Variants in PLXNB1 observed in about 807,000 individuals in gnomAD.
PLXNB1 encodes plexin-B1.
A neutral mutation model predicts 209.4 loss-of-function variants in PLXNB1; 106 were observed. The observed-to-expected ratio is 0.51, with a 90% CI of 0.43 to 0.59. The LOEUF is 0.59. Ranked by LOEUF, PLXNB1 falls within the 20% of genes least tolerant of loss-of-function variation. The probability of loss-of-function intolerance (pLI) is 0.00; values close to 1 mark genes in which losing one functional copy is unlikely to be tolerated. For missense variants in PLXNB1, 2,357 were observed against 2,853.2 expected (o/e 0.83, Z 3.96); for synonymous variants, 1,167 against 1,183.2 (o/e 0.99, Z 0.28).
At chr3:48,408,059 T>A (rs1009497794) in intron 34 of PLXNB1, among the ~76,000 whole-genome samples, 3 of 152,226 alleles carry the variant, frequency 2.0e-5, no homozygotes, top group African/African-American at 7.2e-5. Flanking sequence ...CAGGCTGAAG[T>A]GCAGTGAACA....
In PLXNB1 at chr3:48,413,217, G is replaced by GCCCAGGCCTGCCTGACAATC. The variant is rs2037820273; in HGVS notation, c.4536-68_4536-49dup. ...GAGGATGGCCAGATGAGTCCTACTC[G>GCCCAGGCCTGCCTGACAATC]CCCAGGCCTGCCTGACAATCCCCAG... On this transcript the variant is annotated intron_variant, in intron 23 of 37. Coordinates refer to ENST00000296440, the MANE Select transcript of PLXNB1 (RefSeq NM_001130082.3). The surrounding 1 kb of genome is among the most constrained non-coding windows in gnomAD (Gnocchi z 5.4). 2.1e-6 allele frequency: 3 copies of GCCCAGGCCTGCCTGACAATC among 1,424,150 alleles called. No individual in the cohort carries two copies. The Admixed American group carries it at 5.0e-5, about 24-fold the overall frequency. The allele number at this position is 1,424,150 out of a possible 1,614,324, so 88.2% of individuals were successfully genotyped here.
In PLXNB1 at chr3:48,413,208, G is replaced by A; in HGVS notation, c.4536-39C>T. ...GGGTCAGGAGAGGATGGCCAGATGA[G>A]TCCTACTCGCCCAGGCCTGCCTGAC... On this transcript the variant is annotated intron_variant, in intron 23 of 37. Transcript: ENST00000296440. The surrounding 1 kb of genome is among the most constrained non-coding windows in gnomAD (Gnocchi z 5.4). The A allele has an allele frequency of 6.6e-7, 1 of 1,512,454 alleles. No homozygotes were observed. The allele number at this position is 1,512,454 out of a possible 1,614,324, so 93.7% of individuals were successfully genotyped here. A position where few individuals can be genotyped will look rare whatever the true frequency, so the allele number is the denominator to read the frequency against.
rs772392368 is a variant in PLXNB1, at chr3:48,415,772, G to A, written c.3618-13C>T. On this transcript the variant is annotated splice_polypyrimidine_tract_variant and intron_variant, in intron 18 of 37. Coordinates refer to ENST00000296440, the MANE Select transcript of PLXNB1 (RefSeq NM_001130082.3). The surrounding 1 kb of genome is among the most constrained non-coding windows in gnomAD (Gnocchi z 5.0). ...CTGCTCCGGCAGCCTGGGAGGGGAG[G>A]TGGGAATGAATGCAGGGGCGCAGGC... The A allele has an allele frequency of 5.2e-6, 8 of 1,539,568 alleles. No homozygotes were observed. The highest frequency in any genetic ancestry group is 4.8e-5 in the South Asian group (4 of 83,682).
rs1274089802 is a variant in PLXNB1 at position 48,410,655 on chromosome 3, A to G, written c.5417-97T>C. The G allele has an allele frequency of 9.1e-7, 1 of 1,095,052 alleles. No individual in the cohort carries two copies. The highest frequency in any genetic ancestry group is 1.9e-5 in the Admixed American group (1 of 51,360). The allele number at this position is 1,095,052 out of a possible 1,614,324, so 67.8% of individuals were successfully genotyped here. A position where few individuals can be genotyped will look rare whatever the true frequency, so the allele number is the denominator to read the frequency against. On this transcript the variant is annotated intron_variant, in intron 29 of 37. Transcript: ENST00000296440. The surrounding 1 kb of genome is among the most constrained non-coding windows in gnomAD (Gnocchi z 6.4). ...CCACAGGGACACCAGCCCCTCCATCATGGGGCAGCCTTACTCAACCTCTCC... is the reference window on the plus strand; with the variant it reads ...CCACAGGGACACCAGCCCCTCCATCGTGGGGCAGCCTTACTCAACCTCTCC...
In PLXNB1 at chr3:48,418,964, C is replaced by T. The variant is rs1378692917; in HGVS notation, c.2908G>A (p.Glu970Lys). 7.4e-6 allele frequency: 12 copies of T among 1,613,920 alleles called. No homozygotes were observed. The highest frequency in any genetic ancestry group is 1.0e-5 in the Non-Finnish European group (12 of 1,180,006). The change falls in exon 13 of 38, where the codon GAG (glutamate) becomes AAG (lysine). Residue 970 changes from glutamate to lysine, a missense_variant. By Grantham distance (56) the Glu-to-Lys change is moderately conservative. Around this residue, in one of 7 missense-constraint regions of PLXNB1, gnomAD observed 410 missense variants for 401.0 expected, o/e 1.02. Coordinates refer to ENST00000296440, the MANE Select transcript of PLXNB1 (RefSeq NM_001130082.3). The surrounding 1 kb of genome is among the most constrained non-coding windows in gnomAD (Gnocchi z 6.6). ...EVVVEARVEC[E>K]PPPDTQCHVT... is the part of the protein sequence containing the mutation. ...TGGCACTGGGTATCTGGAGGTGGCT[C>T]ACACTCGACCCGGGCCTCAACCACC...
chr3:48,414,167 G>T, intron 21 of PLXNB1, 96 bp from the exon 22 acceptor site: 1 of 1,232,484 alleles, frequency 8.1e-7, no homozygotes, highest in Non-Finnish European at 1.2e-6. Context: ...AGCCGCAGCA[G>T]CAAAGCTGAC....
chr3:48,417,783 T>C lies in PLXNB1; in HGVS notation c.3374+128A>G, dbSNP rs2038195500. On this transcript the variant is annotated intron_variant, in intron 16 of 37. Coordinates refer to ENST00000296440, the MANE Select transcript of PLXNB1 (RefSeq NM_001130082.3). This position sits in a 1 kb window ranked among gnomAD's most constrained non-coding sequence, Gnocchi z 4.4. The stretch of plus-strand genomic sequence containing the variant: ...CAGTGGCAACGCTGGCACTCGGGCA[T>C]TGTGGCCAGGATCAAGGAACAGGGA... 1.9e-6 allele frequency: 2 copies of C among 1,046,902 alleles called. No homozygotes were observed. The highest frequency in any genetic ancestry group is 2.8e-6 in the Non-Finnish European group (2 of 719,060). The allele number at this position is 1,046,902 out of a possible 1,614,324, so 64.9% of individuals were successfully genotyped here. A position where few individuals can be genotyped will look rare whatever the true frequency, so the allele number is the denominator to read the frequency against.
Position 48,412,484 on chromosome 3 carries a change from A to G in PLXNB1, c.4991T>C (p.Val1664Ala). The change falls in exon 26 of 38, where the codon GTT becomes GCT. Residue 1664 changes from valine (V) to alanine (A), a missense_variant. Transcript: ENST00000296440. ...DILRTLLSDL[V>A]AQYVAKNPKL... The stretch of plus-strand genomic sequence containing the variant: ...GGGGTTCTTGGCCACATACTGGGCA[A>G]CCAGGTCACTGAGCAGAGTGCGGAG... The G allele has an allele frequency of 6.2e-7, 1 of 1,613,668 alleles. No individual in the cohort carries two copies. Among genetic ancestry groups the G allele is most frequent in the Non-Finnish European group, 8.5e-7 (1 of 1,180,044 alleles).
intron 34 of PLXNB1, 143 bp from the exon 35 acceptor site, chr3:48,407,234 G>A (rs2106728449): frequency 7.0e-6 from 5 of 717,916 alleles, no homozygotes; most frequent in South Asian, 3.5e-5. Context: ...CCTGAGTCCC[G>A]GAAAACCAGG....
At position 48,417,399 on chromosome 3, in the gene PLXNB1, C is replaced by T. The variant is rs1331939699; in HGVS notation, c.3374+512G>A. ...GGCCTGCAACCGCTGGCCAGGTTACCATAACCCAGGAGCCCCAGGAAGGCA... is the reference window on the plus strand; with the variant it reads ...GGCCTGCAACCGCTGGCCAGGTTACTATAACCCAGGAGCCCCAGGAAGGCA... On this transcript the variant is annotated intron_variant, in intron 16 of 37. Transcript: ENST00000296440. The surrounding 1 kb of genome is among the most constrained non-coding windows in gnomAD (Gnocchi z 4.4). Among the ~76,000 whole-genome samples, 1 of 152,206 alleles carries T rather than the reference C, an allele frequency of 6.6e-6. No homozygotes were observed. The highest frequency in any genetic ancestry group is 6.5e-5 in the Admixed American group (1 of 15,290).
Position 48,406,860 on chromosome 3 carries a change from T to A in PLXNB1, c.6191A>T (p.Asp2064Val), listed in dbSNP as rs776130456. 1 of 1,612,804 alleles carries A rather than the reference T, an allele frequency of 6.2e-7. No individual in the cohort carries two copies. Among genetic ancestry groups the A allele is most frequent in the Admixed American group, 1.7e-5 (1 of 59,806 alleles). Residue 2064 changes from aspartate to valine, a missense_variant, in exon 36 of 38, where the codon GAC becomes GTC. Asp to Val is a radical substitution (Grantham distance 152). Around this residue, in one of 7 missense-constraint regions of PLXNB1, gnomAD observed 414 missense variants for 520.5 expected, o/e 0.80. Transcript: ENST00000296440. This position sits in a 1 kb window ranked among gnomAD's most constrained non-coding sequence, Gnocchi z 4.4. ...ADIRQTVPAS[D>V]QEMNSVLAEL... The stretch of plus-strand genomic sequence containing the variant: ...AGCCAGGACAGAGTTCATCTCTTGG[T>A]CGCTGGCTGGGACAGTCTGTCTGAT...
In PLXNB1 at chr3:48,415,727, C is replaced by T. The variant is rs1315822373; in HGVS notation, c.3650G>A (p.Cys1217Tyr). 1.9e-6 allele frequency: 3 copies of T among 1,551,034 alleles called. No individual in the cohort carries two copies. The highest frequency in any genetic ancestry group is 1.4e-5 in the African/African-American group (1 of 73,152). Reference protein sequence around the residue: ...LPEQQSEQLRCETSPRPTPAT... With the variant: ...LPEQQSEQLRYETSPRPTPAT... Reference sequence around the variant, plus strand: ...AGGCGTGGGGCGTGGGCTGGTCTCACACCGCAGTTGTTCTGACTGCTGCTC... The same window carrying T: ...AGGCGTGGGGCGTGGGCTGGTCTCATACCGCAGTTGTTCTGACTGCTGCTC... The change falls in exon 19 of 38, where the codon TGT (cysteine) becomes TAT (tyrosine). Residue 1217 changes from cysteine to tyrosine, a missense_variant. Physicochemically the swap from Cys to Tyr is radical, Grantham distance 194. Around this residue, in one of 7 missense-constraint regions of PLXNB1, gnomAD observed 743 missense variants for 896.2 expected, o/e 0.83. Transcript: ENST00000296440. This position sits in a 1 kb window ranked among gnomAD's most constrained non-coding sequence, Gnocchi z 5.0.
chr3:48,411,439 C>G lies in PLXNB1; in HGVS notation c.5248-403G>C, dbSNP rs1296962170. 6.6e-6 allele frequency among the ~76,000 whole-genome samples: 1 copy of G among 152,190 alleles called. No individual in the cohort carries two copies. The highest frequency in any genetic ancestry group is 1.5e-5 in the Non-Finnish European group (1 of 68,026). On this transcript the variant is annotated intron_variant, in intron 28 of 37. Coordinates refer to ENST00000296440, the MANE Select transcript of PLXNB1 (RefSeq NM_001130082.3). This position sits in a 1 kb window ranked among gnomAD's most constrained non-coding sequence, Gnocchi z 4.0. ...AGCAGGCCTGAATGGGGGTTTCCCA[C>G]AGGAACCCTTGTGCGTAACTAAGGG...
At position 48,418,157 on chromosome 3, in the gene PLXNB1, C is replaced by T; in HGVS notation, c.3222+34G>A. The T allele has an allele frequency of 1.2e-6, 2 of 1,611,372 alleles. No homozygotes were observed. The highest frequency in any genetic ancestry group is 1.7e-4 in the Middle Eastern group (1 of 6,060). On this transcript the variant is annotated intron_variant, in intron 15 of 37. Transcript: ENST00000296440. The surrounding 1 kb of genome is among the most constrained non-coding windows in gnomAD (Gnocchi z 6.6). ...CCCCACACCCTCCCTCTAAGGGCAG[C>T]ACTGAGGAAGGGATGGCCAGCCTTT...
In PLXNB1 at chr3:48,413,008, G is replaced by A. The variant is rs775797459; in HGVS notation, c.4637-49C>T. ...TAAGCACCTGTTAAGCACCAATCCC[G>A]TGTGATGGGAGTGGGTTTGGGCAGA... On this transcript the variant is annotated intron_variant, in intron 24 of 37. Transcript: ENST00000296440. This position sits in a 1 kb window ranked among gnomAD's most constrained non-coding sequence, Gnocchi z 5.4. The A allele has an allele frequency of 8.7e-6, 14 of 1,602,282 alleles. No individual in the cohort carries two copies. The highest frequency in any genetic ancestry group is 6.7e-5 in the Admixed American group (4 of 59,986).
In PLXNB1 at chr3:48,409,550, G is replaced by A. The variant is rs772725608; in HGVS notation, c.5939+21C>T. On this transcript the variant is annotated intron_variant, in intron 33 of 37. Coordinates refer to ENST00000296440, the MANE Select transcript of PLXNB1 (RefSeq NM_001130082.3). This position sits in a 1 kb window ranked among gnomAD's most constrained non-coding sequence, Gnocchi z 5.8. Reference sequence around the variant, plus strand: ...AGAAGACCCCCCACACACACCTAGAGCCCACCCAGCTCCACCCCACCTGTT... The same window carrying A: ...AGAAGACCCCCCACACACACCTAGAACCCACCCAGCTCCACCCCACCTGTT... The A allele has an allele frequency of 2.8e-5, 45 of 1,613,608 alleles. No individual in the cohort carries two copies. The highest frequency in any genetic ancestry group is 1.7e-5 in the Non-Finnish European group (20 of 1,179,752).
chr3:48,415,813 C>T lies in PLXNB1; in HGVS notation c.3618-54G>A. The T allele has an allele frequency of 1.3e-6, 2 of 1,490,700 alleles. No homozygotes were observed. Among genetic ancestry groups the T allele is most frequent in the East Asian group, 2.5e-5 (1 of 40,228 alleles). The allele number at this position is 1,490,700 out of a possible 1,614,324, so 92.3% of individuals were successfully genotyped here. ...GGGCGCAGGCAGGGAAAACTTGGACCACTCAGGCCCCAACTGGCTTCCCTC... is the reference window on the plus strand; with the variant it reads ...GGGCGCAGGCAGGGAAAACTTGGACTACTCAGGCCCCAACTGGCTTCCCTC... On this transcript the variant is annotated intron_variant, in intron 18 of 37. Transcript: ENST00000296440. The surrounding 1 kb of genome is among the most constrained non-coding windows in gnomAD (Gnocchi z 5.0).
In PLXNB1 at chr3:48,423,875, G is replaced by A. The variant is rs2038716971; in HGVS notation, c.737C>T (p.Ala246Val). The change falls in exon 3 of 38, where the codon GCC (alanine) becomes GTC (valine). Residue 246 changes from alanine (A) to valine (V), a missense_variant. Transcript: ENST00000296440. The part of the protein sequence containing the change: ...DLQAQSRAFR[A>V]YVSRVCLRDQ... ...CCGGAGACACACTCGAGATACATAG[G>A]CACGAAAAGCTCTAGACTGAGCCTG... The A allele has an allele frequency of 6.2e-7, 1 of 1,613,942 alleles. No homozygotes were observed. Among genetic ancestry groups the A allele is most frequent in the Non-Finnish European group, 8.5e-7 (1 of 1,180,028 alleles).
Position 48,429,698 on chromosome 3 carries a change from G to A in PLXNB1, c.-60+310C>T, listed in dbSNP as rs1234822171. Among the ~76,000 whole-genome samples the A allele has an allele frequency of 6.6e-6, 1 of 152,056 alleles. No homozygotes were observed. Among genetic ancestry groups the A allele is most frequent in the Non-Finnish European group, 1.5e-5 (1 of 67,972 alleles). On this transcript the variant is annotated intron_variant, in intron 1 of 37. Transcript: ENST00000296440. This position sits in a 1 kb window ranked among gnomAD's most constrained non-coding sequence, Gnocchi z 6.4. ...TCGCCATGGCAACGCGGGTCGCCCGGAGGGGTGAGGAGTGAACCCCGGGAG... is the reference window on the plus strand; with the variant it reads ...TCGCCATGGCAACGCGGGTCGCCCGAAGGGGTGAGGAGTGAACCCCGGGAG...
Sources: gnomAD v4.1 joint callset for allele counts (sites outside exome capture counted in the v4.1 genomes callset) on GRCh38, gnomAD v4.1.1 for gene constraint, gnomAD v4.1.1 regional missense constraint, Gnocchi (gnomAD v3.1) non-coding constraint, MANE v1.5 for transcripts, NCBI Gene and HGNC (gene_info 2026-07-23, HGNC 2026-07-21) for gene names.